The following TBC1D26 variants were observed in gnomAD, a reference collection of about 807,000 sequenced individuals.
The protein encoded by TBC1D26 is TBC1 domain family, member 26.
A neutral mutation model predicts 42.5 loss-of-function variants in TBC1D26; 19 were observed. The ratio of observed to expected loss-of-function variants is 0.45; its 90% CI spans 0.31 to 0.66. The LOEUF is 0.66. TBC1D26 is among the 30% of genes least tolerant of loss of function. The pLI is 0.06. For missense variants in TBC1D26, 228 were observed against 332.6 expected (o/e 0.69, Z 2.45); for synonymous variants, 97 against 123.5 (o/e 0.79, Z 1.42).
At chr17:15,740,018 G>T in intron 8 of TBC1D26, 82 bp from the exon 9 acceptor site, 2 of 1,531,352 alleles carry the variant, frequency 1.3e-6, no homozygotes, top group East Asian at 2.3e-5. Flanking sequence ...AATTGTGTTC[G>T]TTATTTGGGT....
intron 4 of TBC1D26, among the ~76,000 whole-genome samples, chr17:15,736,007 C>G (rs1260514161): frequency 3.9e-5 from 6 of 151,970 alleles, no homozygotes; most frequent in African/African-American, 1.4e-4. Flanking sequence ...TGGGGCCTGC[C>G]TTGGTGAGAT....
intron 10 of TBC1D26, 60 bp from the exon 11 acceptor site, chr17:15,741,882 C>A: frequency 6.4e-7 from 1 of 1,565,200 alleles, no homozygotes; most frequent in Admixed American, 1.7e-5. Context: ...GCTCTTCCAG[C>A]TGATGCCTCC....
At position 15,741,125 on chromosome 17, in the gene TBC1D26, G is replaced by A; in HGVS notation, c.550G>A (p.Val184Met). The A allele has an allele frequency of 1.2e-6, 2 of 1,610,590 alleles. No homozygotes were observed. Among genetic ancestry groups the A allele is most frequent in the Non-Finnish European group, 1.7e-6 (2 of 1,179,916 alleles). Residue 184 changes from valine to methionine, a missense_variant, in exon 10 of 15, where the codon GTG becomes ATG. By Grantham distance (21) the Val-to-Met change is conservative. Coordinates refer to ENST00000437605, the MANE Select transcript of TBC1D26 (RefSeq NM_001388465.1). The stretch of plus-strand genomic sequence containing the variant: ...ACGGTGACTCTGGCTCTTGCAGGAG[G>A]TGGGCTACCACAGGGACCTGAGCCG... ...LVAYSAYNPE[V>M]GYHRDLSRIT...
intron 13 of TBC1D26, 102 bp from the exon 14 acceptor site, chr17:15,743,265 G>A: frequency 1.7e-6 from 1 of 576,000 alleles, no homozygotes; most frequent in Non-Finnish European, 2.2e-6. Context: ...GGCCAAAAAG[G>A]ACCAGACACC....
At position 15,741,137 on chromosome 17, in the gene TBC1D26, A is replaced by G; in HGVS notation, c.562A>G (p.Arg188Gly). ...SAYNPEVGYH[R>G]DLSRITAILL... is the part of the protein sequence containing the mutation. ...GCTCTTGCAGGAGGTGGGCTACCACAGGGACCTGAGCCGCATCACTGCCAT... is the reference window on the plus strand; with the variant it reads ...GCTCTTGCAGGAGGTGGGCTACCACGGGGACCTGAGCCGCATCACTGCCAT... Residue 188 changes from arginine (R) to glycine (G), a missense_variant, in exon 10 of 15, where the codon AGG becomes GGG. Physicochemically the swap from Arg to Gly is moderately radical, Grantham distance 125. Coordinates refer to ENST00000437605, the MANE Select transcript of TBC1D26 (RefSeq NM_001388465.1). The G allele has an allele frequency of 6.2e-7, 1 of 1,612,030 alleles. No individual in the cohort carries two copies. The highest frequency in any genetic ancestry group is 8.5e-7 in the Non-Finnish European group (1 of 1,179,928).
rs772295174 is a variant in TBC1D26 at position 15,738,103 on chromosome 17, G to A, written c.279+26G>A. 2.8e-5 allele frequency: 46 copies of A among 1,614,050 alleles called. 1 individual carries two copies. The South Asian group carries it at 3.3e-4, about 12-fold the overall frequency. ...GTAACATGGGGAGGAAGTGGCCCGC[G>A]TGACTGCTCTCTGCAGAGCCAGGAG... On this transcript the variant is annotated intron_variant, in intron 6 of 14. Coordinates refer to ENST00000437605, the MANE Select transcript of TBC1D26 (RefSeq NM_001388465.1).
At chr17:15,741,413 C>A in intron 10 of TBC1D26, 192 bp downstream of exon 10, 1 of 961,266 alleles carries the variant, frequency 1.0e-6, no homozygotes, top group Non-Finnish European at 1.5e-6. Context: ...CAGGAACCCC[C>A]TCACCTCAAG....
intron 9 of TBC1D26, chr17:15,740,379 T>C: frequency 6.9e-7 from 1 of 1,455,944 alleles, no homozygotes; most frequent in Admixed American, 2.6e-5. Context: ...CTCCTGGTGT[T>C]GCCCCAAAGC....
At chr17:15,742,666 G>A (rs562436867) in intron 12 of TBC1D26, among the ~76,000 whole-genome samples, 187 bp downstream of exon 12, 76 of 152,348 alleles carry the variant, frequency 5.0e-4, no homozygotes, top group Non-Finnish European at 8.4e-4. Context: ...GGCAGGACCC[G>A]ACTTGCGAGG....
intron 7 of TBC1D26, 154 bp downstream of exon 7, chr17:15,738,541 G>C: frequency 1.5e-6 from 2 of 1,321,784 alleles, no homozygotes; most frequent in Non-Finnish European, 2.1e-6. Context: ...AGGCACCACA[G>C]GTGCGCTGGG....
intron 9 of TBC1D26, 38 bp from the exon 10 acceptor site, chr17:15,741,084 T>A: frequency 6.2e-7 from 1 of 1,602,826 alleles, no homozygotes; most frequent in Admixed American, 1.7e-5. Flanking sequence ...TCAGTCCTCC[T>A]AGGTGACATC....
At chr17:15,736,910 C>T (rs528223123) in intron 4 of TBC1D26, among the ~76,000 whole-genome samples, 10 of 152,346 alleles carry the variant, frequency 6.6e-5, no homozygotes, top group Middle Eastern at 3.4e-3. Flanking sequence ...CTGGGCTGGG[C>T]AGGATGGGGG....
intron 10 of TBC1D26, 96 bp downstream of exon 10, chr17:15,741,317 C>T: frequency 6.3e-7 from 1 of 1,588,994 alleles, no homozygotes; most frequent in South Asian, 1.1e-5. Flanking sequence ...ACCCTGACTT[C>T]CAGGCAAGGT....
At chr17:15,736,637 T>C (rs894441599) in intron 4 of TBC1D26, 1 of 151,990 alleles carries the variant, frequency 6.6e-6, no homozygotes, top group African/African-American at 2.4e-5. Flanking sequence ...GTTTTTGCAG[T>C]GGCTGGGAGG....
At chr17:15,738,892 T>A (rs1967698076) in intron 8 of TBC1D26, 62 bp downstream of exon 8, 1 of 1,608,218 alleles carries the variant, frequency 6.2e-7, no homozygotes, top group African/African-American at 1.3e-5. Flanking sequence ...GGAATGAGGT[T>A]GTCCCCAGGG....
chr17:15,740,253 A>G (rs753357085), intron 9 of TBC1D26, 105 bp downstream of exon 9: 1 of 1,613,412 alleles, frequency 6.2e-7, no homozygotes, highest in South Asian at 1.1e-5. Context: ...GTGTTTGTCC[A>G]CCAGGACGTA....
At chr17:15,732,857 C>T (rs1460899371) in intron 1 of TBC1D26, among the ~76,000 whole-genome samples, 2 of 152,210 alleles carry the variant, frequency 1.3e-5, no homozygotes, top group East Asian at 1.9e-4. Context: ...CGTGCGGTCA[C>T]TGAGGGTCTC....
chr17:15,741,085 A>G, intron 9 of TBC1D26, 37 bp from the exon 10 acceptor site: 1 of 1,602,828 alleles, frequency 6.2e-7, no homozygotes, highest in Non-Finnish European at 8.5e-7. Context: ...CAGTCCTCCT[A>G]GGTGACATCT....
chr17:15,737,016 A>T (rs1299432679), intron 4 of TBC1D26, among the ~76,000 whole-genome samples: 1 of 151,882 alleles, frequency 6.6e-6, no homozygotes, highest in Non-Finnish European at 1.5e-5. Context: ...GGAGTGTCAG[A>T]TGGGATGGGC....
Sources: allele counts gnomAD v4.1 joint callset (sites outside exome capture counted in the v4.1 genomes callset), GRCh38; gene constraint gnomAD v4.1.1; transcripts MANE v1.5; gene names NCBI Gene and HGNC (gene_info 2026-07-23, HGNC 2026-07-21).